The following SLC9A2 variants were observed in gnomAD, a reference collection of about 807,000 sequenced individuals.
SLC9A2 encodes sodium/hydrogen exchanger 2.
Under a neutral mutation model 71.7 loss-of-function variants are expected in SLC9A2, and 42 were observed. The ratio of observed to expected loss-of-function variants is 0.59; its 90% CI spans 0.46 to 0.76. The LOEUF (loss-of-function observed/expected upper bound fraction) is 0.76, where lower values mean the gene tolerates loss of function less well. Ranked by LOEUF, SLC9A2 falls within the 30% of genes least tolerant of loss-of-function variation. SLC9A2 has a pLI of 0.00. For synonymous variants in SLC9A2, 396 were observed against 392.5 expected, an observed-to-expected ratio of 1.01 and a Z score of -0.10; for missense variants, 829 against 1,017.4, an observed-to-expected ratio of 0.81 and a Z score of 2.52.
chr2:102,710,330 GC>G lies in SLC9A2; in HGVS notation c.*1843del, dbSNP rs1678081615. ...AAATGTGATGTAGATTTTTGAGAAT[GC>G]CAAAAATCAGGTTTCAGAAAAGCTA... On this transcript the variant is annotated 3_prime_UTR_variant, in exon 12 of 12. Coordinates refer to ENST00000233969, the MANE Select transcript of SLC9A2 (RefSeq NM_003048.6). The G allele has an allele frequency of 6.6e-6, 1 of 152,350 alleles. No homozygotes were observed. The highest frequency in any genetic ancestry group is 2.4e-5 in the African/African-American group (1 of 41,436). The allele number at this position is 152,350 out of a possible 1,614,324, so 9.4% of individuals were successfully genotyped here.
intron 3 of SLC9A2, among the ~76,000 whole-genome samples, chr2:102,665,833 G>C (rs1414909674): frequency 7.7e-6 from 1 of 130,448 alleles, no homozygotes; most frequent in East Asian, 2.4e-4. Context: ...CAAAGAAATG[G>C]AAATATGTAT....
At chr2:102,651,060 C>A (rs1357193653) in intron 1 of SLC9A2, among the ~76,000 whole-genome samples, 1 of 152,174 alleles carries the variant, frequency 6.6e-6, no homozygotes, top group Non-Finnish European at 1.5e-5. Context: ...CATCCCTGAT[C>A]ATCTGTCTCA....
intron 2 of SLC9A2, among the ~76,000 whole-genome samples, chr2:102,659,790 A>T (rs1354602067): frequency 6.6e-6 from 1 of 152,230 alleles, no homozygotes; most frequent in Non-Finnish European, 1.5e-5. Flanking sequence ...CAGAGGCAGA[A>T]GGCATGAAGT....
intron 1 of SLC9A2, among the ~76,000 whole-genome samples, chr2:102,632,423 A>G (rs1183929770): frequency 2.0e-5 from 3 of 151,490 alleles, no homozygotes; most frequent in East Asian, 3.9e-4. Context: ...ACATGGGCGT[A>G]TTGTCATTTT....
intron 1 of SLC9A2, among the ~76,000 whole-genome samples, chr2:102,657,064 G>T (rs1198976514): frequency 6.6e-6 from 1 of 152,018 alleles, no homozygotes; most frequent in Admixed American, 6.6e-5. Context: ...AATTAGCCAG[G>T]CATGGTGGTG....
In SLC9A2 at chr2:102,631,152, T is replaced by C. The variant is rs1573397123; in HGVS notation, c.289+11015T>C. Among the ~76,000 whole-genome samples, 3 of 152,090 alleles carry C rather than the reference T, an allele frequency of 2.0e-5. No homozygotes were observed. The East Asian group carries it at 5.8e-4, about 29-fold the overall frequency. ...GCTTGGCTTTACTATGTGATTCAAG[T>C]ACTATAGATATAGACTTAATACCTG... On this transcript the variant is annotated intron_variant, in intron 1 of 11. Transcript: ENST00000233969.
intron 1 of SLC9A2, among the ~76,000 whole-genome samples, chr2:102,626,325 G>T (rs866586139): frequency 2.4e-4 from 36 of 152,276 alleles, no homozygotes; most frequent in African/African-American, 6.5e-4. Flanking sequence ...ATGGGGAAAG[G>T]ATTCCCTATT....
Position 102,693,070 on chromosome 2 carries a change from T to C in SLC9A2, c.1426-1344T>C, listed in dbSNP as rs191940169. ...TACTAGTATTTTATATATATATATA[T>C]ACACACACACACTCTTTTTATATGT... On this transcript the variant is annotated intron_variant, in intron 5 of 11. Transcript: ENST00000233969. 2.2e-3 allele frequency among the ~76,000 whole-genome samples: 336 copies of C among 151,250 alleles called. 2 individuals carry two copies. Among genetic ancestry groups the C allele is most frequent in the African/African-American group, 7.7e-3 (318 of 41,314 alleles).
rs990139649 is a variant in SLC9A2, at chr2:102,709,267, T to C, written c.*778T>C. The C allele has an allele frequency of 2.6e-5, 4 of 152,402 alleles. No individual in the cohort carries two copies. Among genetic ancestry groups the C allele is most frequent in the African/African-American group, 9.7e-5 (4 of 41,430 alleles). 9.4% of individuals were successfully genotyped at this position (152,402 alleles called of 1,614,324 possible). The stretch of plus-strand genomic sequence containing the variant: ...GTTGCCCAGACATCCACCAGCTTAC[T>C]GTGTTGACAGATTTGGGAGCAGCTT... On this transcript the variant is annotated 3_prime_UTR_variant, in exon 12 of 12. Coordinates refer to ENST00000233969, the MANE Select transcript of SLC9A2 (RefSeq NM_003048.6).
rs1676976234 is a variant in SLC9A2 at position 102,657,947 on chromosome 2, G to A, written c.673G>A (p.Val225Ile). The change falls in exon 2 of 12, where the codon GTC becomes ATC. Residue 225 changes from valine (V) to isoleucine (I), a missense_variant. This residue lies in a region of SLC9A2 where 500 missense variants were observed against 726.3 expected (regional missense o/e 0.69). Coordinates refer to ENST00000233969, the MANE Select transcript of SLC9A2 (RefSeq NM_003048.6). ...SAVDPVAVLA[V>I]FENIHVNEQL... The stretch of plus-strand genomic sequence containing the variant: ...TGTCGATCCTGTGGCTGTGCTTGCT[G>A]TCTTTGAGAACATTCACGTCAATGA... 1.2e-6 allele frequency: 2 copies of A among 1,614,068 alleles called. No individual in the cohort carries two copies. The highest frequency in any genetic ancestry group is 1.7e-6 in the Non-Finnish European group (2 of 1,180,046).
At position 102,711,248 on chromosome 2, in the gene SLC9A2, A is replaced by AT. The variant is rs1193599987; in HGVS notation, c.*2764dup. 1.3e-5 allele frequency: 2 copies of AT among 152,298 alleles called. No homozygotes were observed. Among genetic ancestry groups the AT allele is most frequent in the Non-Finnish European group, 2.9e-5 (2 of 68,032 alleles). 9.4% of individuals were successfully genotyped at this position (152,298 alleles called of 1,614,324 possible). On this transcript the variant is annotated 3_prime_UTR_variant, in exon 12 of 12. Transcript: ENST00000233969. ...AAAGTCACGTTTCATAATCTGCAAT[A>AT]TTTTTGTCAAAGTGCACACTGTACT...
chr2:102,695,248 C>G (rs1677734040), intron 7 of SLC9A2, 135 bp downstream of exon 7: 1 of 623,060 alleles, frequency 1.6e-6, no homozygotes, highest in Non-Finnish European at 2.8e-6. Context: ...AGATAAAGTT[C>G]AGCTATAACA....
At chr2:102,658,055 C>A in intron 2 of SLC9A2, 28 bp downstream of exon 2, 1 of 1,541,624 alleles carries the variant, frequency 6.5e-7, no homozygotes, top group Non-Finnish European at 8.8e-7. Flanking sequence ...TGCATGACTC[C>A]AACAGGTGGG....
intron 1 of SLC9A2, among the ~76,000 whole-genome samples, chr2:102,623,382 T>A (rs1676181510): frequency 6.6e-6 from 1 of 152,176 alleles, no homozygotes; most frequent in Non-Finnish European, 1.5e-5. Flanking sequence ...TTCTCCAGAT[T>A]CGTCTGCATA....
rs559139517 is a variant in SLC9A2 at position 102,651,000 on chromosome 2, C to T, written c.290-6564C>T. Among the ~76,000 whole-genome samples, 6 of 152,324 alleles carry T rather than the reference C, an allele frequency of 3.9e-5. 1 individual carries two copies. In the South Asian group the frequency reaches 1.2e-3, roughly 32 times the overall value. ...TCTGCCTTCCTATTGCTTTCCATCT[C>T]AGTAAATAATCCCATTCTACACATT... On this transcript the variant is annotated intron_variant, in intron 1 of 11. Coordinates refer to ENST00000233969, the MANE Select transcript of SLC9A2 (RefSeq NM_003048.6).
chr2:102,685,427 T>C (rs1427769497), intron 5 of SLC9A2, among the ~76,000 whole-genome samples: 6 of 152,192 alleles, frequency 3.9e-5, no homozygotes, highest in Non-Finnish European at 8.8e-5. Flanking sequence ...CTCACGTCCT[T>C]TGTAAAAGGA....
intron 8 of SLC9A2, 106 bp downstream of exon 8, chr2:102,701,337 C>T (rs1677871350): frequency 1.2e-6 from 1 of 862,674 alleles, no homozygotes; most frequent in South Asian, 1.9e-5. Flanking sequence ...ATTGATCCGC[C>T]CCCCTCGGCC....
chr2:102,642,705 T>G (rs929444745), intron 1 of SLC9A2, among the ~76,000 whole-genome samples: 4 of 152,250 alleles, frequency 2.6e-5, no homozygotes, highest in African/African-American at 9.6e-5. Flanking sequence ...TGTTCCCTCC[T>G]CTTCTGTTTT....
rs1265032951 is a variant in SLC9A2, at chr2:102,706,037, C to CAATGAGAACACTTGGACACAGGAAGG, written c.2068+101_2068+102insAATGAGAACACTTGGACACAGGAAGG. On this transcript the variant is annotated intron_variant, in intron 11 of 11. Coordinates refer to ENST00000233969, the MANE Select transcript of SLC9A2 (RefSeq NM_003048.6). ...ATTTTTCTTCATTAAGAATGAGTTCCGGCCGGGCGCGGTGGCTCACGCCTG... is the reference window on the plus strand; with the variant it reads ...ATTTTTCTTCATTAAGAATGAGTTCCAATGAGAACACTTGGACACAGGAAGGGGCCGGGCGCGGTGGCTCACGCCTG... 363 of 185,248 alleles carry CAATGAGAACACTTGGACACAGGAAGG rather than the reference C, an allele frequency of 2.0e-3. 57 individuals carry two copies. The highest frequency in any genetic ancestry group is 3.6e-3 in the Admixed American group (33 of 9,070). 11.5% of individuals were successfully genotyped at this position (185,248 alleles called of 1,614,324 possible).
Sources: allele counts gnomAD v4.1 joint callset (sites outside exome capture counted in the v4.1 genomes callset), GRCh38; gene constraint gnomAD v4.1.1; regional missense constraint gnomAD v4.1.1; transcripts MANE v1.5; gene names NCBI Gene and HGNC (gene_info 2026-07-23, HGNC 2026-07-21).